PARD3: variants seen among roughly 807,000 people sequenced by gnomAD.
PARD3 encodes the protein partitioning defective 3 homolog.
In PARD3, 75 loss-of-function variants were observed where a neutral mutation model predicts 155.4. The ratio of observed to expected loss-of-function variants is 0.48; its 90% CI spans 0.40 to 0.58. PARD3 has a LOEUF of 0.58. PARD3 is among the 20% of genes least tolerant of loss of function. PARD3 has a pLI of 0.00. For missense variants in PARD3, 1,642 were observed against 1,721.7 expected, an observed-to-expected ratio of 0.95 and a Z score of 0.82; for synonymous variants, 576 against 610.5, an observed-to-expected ratio of 0.94 and a Z score of 0.83.
At chr10:34,420,357 G>A (rs1252662460) in intron 5 of PARD3, among the ~76,000 whole-genome samples, 1 of 152,106 alleles carries the variant, frequency 6.6e-6, no homozygotes, top group African/African-American at 2.4e-5. Context: ...ATTCCTACTT[G>A]TTTTAGTAAA....
chr10:34,302,812 C>T (rs1957215414), intron 20 of PARD3, among the ~76,000 whole-genome samples: 1 of 152,168 alleles, frequency 6.6e-6, no homozygotes, highest in Non-Finnish European at 1.5e-5. Context: ...CAGAAGAAGG[C>T]AGATGGCTTC....
chr10:34,347,630 G>T (rs1161378276), intron 15 of PARD3, among the ~76,000 whole-genome samples: 4 of 152,052 alleles, frequency 2.6e-5, no homozygotes, highest in Admixed American at 2.0e-4. Flanking sequence ...ATTAAATTTT[G>T]ATTTCTTTTT....
At chr10:34,762,470 T>C (rs1315079522) in intron 1 of PARD3, among the ~76,000 whole-genome samples, 2 of 21,144 alleles carry the variant, frequency 9.5e-5, no homozygotes, top group Non-Finnish European at 2.6e-4. Context: ...CATGCCTGAC[T>C]TTTTTTTTTT....
chr10:34,691,921 C>T (rs982659130), intron 2 of PARD3, among the ~76,000 whole-genome samples: 2 of 152,228 alleles, frequency 1.3e-5, no homozygotes, highest in African/African-American at 2.4e-5. Context: ...GGACCCCTTC[C>T]TTACACCACA....
chr10:34,308,242 G>A (rs1957515248), intron 20 of PARD3, among the ~76,000 whole-genome samples: 1 of 152,154 alleles, frequency 6.6e-6, no homozygotes, highest in South Asian at 2.1e-4. Context: ...GCTACTGGGG[G>A]TTGAACAGAG....
At chr10:34,131,151 G>A (rs556019993) in intron 23 of PARD3, among the ~76,000 whole-genome samples, 2 of 152,324 alleles carry the variant, frequency 1.3e-5, no homozygotes, top group African/African-American at 4.8e-5. Context: ...CTGATTCTGA[G>A]AATATGTATC....
intron 1 of PARD3, among the ~76,000 whole-genome samples, chr10:34,719,884 C>T (rs2094576926): frequency 6.6e-6 from 1 of 152,176 alleles, no homozygotes; most frequent in Non-Finnish European, 1.5e-5. Flanking sequence ...GGATGACAAA[C>T]AACTCACAGG....
At chr10:34,662,043 T>C (rs1199288088) in intron 2 of PARD3, among the ~76,000 whole-genome samples, 1 of 152,156 alleles carries the variant, frequency 6.6e-6, no homozygotes, top group African/African-American at 2.4e-5. Flanking sequence ...CCGTGAAGGC[T>C]ACTACTGGGC....
intron 1 of PARD3, among the ~76,000 whole-genome samples, chr10:34,705,084 TAAA>T (rs1049981044): frequency 6.7e-6 from 1 of 149,664 alleles, no homozygotes; most frequent in Non-Finnish European, 1.5e-5. Context: ...GTTCTGTTCT[TAAA>T]AAAAAAATGA....
At chr10:34,353,030 G>A (rs568865690) in intron 14 of PARD3, among the ~76,000 whole-genome samples, 69 of 150,998 alleles carry the variant, frequency 4.6e-4, no homozygotes, top group African/African-American at 1.4e-3. Flanking sequence ...GTCTCTGCCC[G>A]GCCGCCCCGT....
At chr10:34,588,227 T>A (rs2088290242) in intron 2 of PARD3, among the ~76,000 whole-genome samples, 1 of 152,142 alleles carries the variant, frequency 6.6e-6, no homozygotes, top group Non-Finnish European at 1.5e-5. Context: ...TAAGATAACA[T>A]CTTAGCATAT....
chr10:34,624,460 C>T (rs1468470116), intron 2 of PARD3, among the ~76,000 whole-genome samples: 1 of 152,242 alleles, frequency 6.6e-6, no homozygotes, highest in African/African-American at 2.4e-5. Flanking sequence ...AATAAACAGT[C>T]CCTGTTCATG....
intron 2 of PARD3, among the ~76,000 whole-genome samples, chr10:34,636,498 A>T (rs1351570557): frequency 6.6e-6 from 1 of 152,186 alleles, no homozygotes. Flanking sequence ...CACAGGACAC[A>T]TGAACCCAGA....
At chr10:34,636,960 A>T (rs985620165) in intron 2 of PARD3, among the ~76,000 whole-genome samples, 10 of 152,368 alleles carry the variant, frequency 6.6e-5, no homozygotes, top group Non-Finnish European at 1.3e-4. Flanking sequence ...TCTGTTACGG[A>T]GCAAGAAAGT....
At chr10:34,584,918 C>T (rs1368353679) in intron 2 of PARD3, among the ~76,000 whole-genome samples, 1 of 152,106 alleles carries the variant, frequency 6.6e-6, no homozygotes, top group African/African-American at 2.4e-5. Context: ...TCCCCAGAAA[C>T]ATTAGTTAGC....
intron 18 of PARD3, among the ~76,000 whole-genome samples, chr10:34,335,998 C>T (rs1040947388): frequency 1.3e-5 from 2 of 152,024 alleles, no homozygotes; most frequent in Non-Finnish European, 2.9e-5. Flanking sequence ...AATCATATTA[C>T]TATTTAGTAA....
intron 5 of PARD3, among the ~76,000 whole-genome samples, chr10:34,415,937 A>T (rs1845630537): frequency 6.6e-6 from 1 of 152,234 alleles, no homozygotes; most frequent in South Asian, 2.1e-4. Flanking sequence ...GATGAGTAGG[A>T]GGACAGAAGG....
rs114236003 is a variant in PARD3, at chr10:34,272,011, G to A, written c.3177-2112C>T. Among the ~76,000 whole-genome samples the A allele has an allele frequency of 3.2e-3, 491 of 152,278 alleles. 9 individuals are homozygous for A. The highest frequency in any genetic ancestry group is 0.027 in the Admixed American group (407 of 15,298). ...CTTTCGTTTATGTAGACCTGTGTAA[G>A]ATAGATACGTTGAAAACTACACAAT... On this transcript the variant is annotated intron_variant, in intron 21 of 24. Transcript: ENST00000374788.
chr10:34,394,087 C>T (rs1207699620), intron 7 of PARD3, among the ~76,000 whole-genome samples: 2 of 152,114 alleles, frequency 1.3e-5, no homozygotes, highest in African/African-American at 4.8e-5. Context: ...CCGCCCGCCT[C>T]AGCCTCCCAA....
Sources: gnomAD v4.1 joint callset for allele counts (sites outside exome capture counted in the v4.1 genomes callset) on GRCh38, gnomAD v4.1.1 for gene constraint, MANE v1.5 for transcripts, NCBI Gene and HGNC (gene_info 2026-07-23, HGNC 2026-07-21) for gene names.